The following MYBPC3 variants were observed in gnomAD, a reference collection of about 807,000 sequenced individuals.
The protein encoded by MYBPC3 is myosin-binding protein C, cardiac-type.
In MYBPC3, 108 loss-of-function variants were observed where a neutral mutation model predicts 159.3. That is an observed-to-expected ratio of 0.68 (90% confidence interval 0.58 to 0.80). The LOEUF (loss-of-function observed/expected upper bound fraction) is 0.80, where lower values mean the gene tolerates loss of function less well. MYBPC3 is among the 30% of genes least tolerant of loss of function. The pLI is 0.00. For missense variants in MYBPC3, 1,631 were observed against 1,762.1 expected, an observed-to-expected ratio of 0.93 and a Z score of 1.33; for synonymous variants, 730 against 702.0, an observed-to-expected ratio of 1.04 and a Z score of -0.63.
Position 47,350,045 on chromosome 11 carries a change from C to T in MYBPC3, c.474G>A (p.Val158=). The T allele has an allele frequency of 6.4e-7, 1 of 1,563,858 alleles. No individual in the cohort carries two copies. Among genetic ancestry groups the T allele is most frequent in the African/African-American group, 1.4e-5 (1 of 73,692 alleles). Residue 158 remains valine (V), a synonymous_variant, in exon 4 of 35, where the codon GTG becomes GTA. Coordinates refer to ENST00000545968, the MANE Select transcript of MYBPC3 (RefSeq NM_000256.3). ...GAPDDPIGLF[V]MRPQDGEVTV... ...TCACCTCGCCATCCTGTGGCCGCAT[C>T]ACGAAGAGGCCAATGGGGTCATCGG...
In MYBPC3 at chr11:47,337,462, A is replaced by T. The variant is rs1218588460; in HGVS notation, c.2531T>A (p.Met844Lys). The change falls in exon 25 of 35, where the codon ATG (methionine) becomes AAG (lysine). Residue 844 changes from methionine to lysine, a missense_variant. Physicochemically the swap from Met to Lys is moderately conservative, Grantham distance 95. Transcript: ENST00000545968. The part of the protein sequence containing the change: ...RRMIEGVVYE[M>K]RVYAVNAIGM... Reference sequence around the variant, plus strand: ...GATGGCGTTGACCGCGTAGACGCGCATCTCGTACACCACGCCCTCGATCAT... The same window carrying T: ...GATGGCGTTGACCGCGTAGACGCGCTTCTCGTACACCACGCCCTCGATCAT... 6.2e-7 allele frequency: 1 copy of T among 1,613,630 alleles called. No homozygotes were observed. Among genetic ancestry groups the T allele is most frequent in the African/African-American group, 1.3e-5 (1 of 74,922 alleles).
At position 47,332,637 on chromosome 11, in the gene MYBPC3, G is replaced by C; in HGVS notation, c.3556C>G (p.Pro1186Ala). The C allele has an allele frequency of 6.2e-7, 1 of 1,613,892 alleles. No individual in the cohort carries two copies. The highest frequency in any genetic ancestry group is 8.5e-7 in the Non-Finnish European group (1 of 1,179,868). ...GCGATGACCGAGCGGTTCACCAGGGGCTGGGTGAAGCTTGGGGCCTCGGAG... is the reference window on the plus strand; with the variant it reads ...GCGATGACCGAGCGGTTCACCAGGGCCTGGGTGAAGCTTGGGGCCTCGGAG... ...DFSEAPSFTQ[P>A]LVNRSVIAGY... The change falls in exon 32 of 35, where the codon CCC becomes GCC. Residue 1186 changes from proline (P) to alanine (A), a missense_variant. Transcript: ENST00000545968. The surrounding 1 kb of genome is among the most constrained non-coding windows in gnomAD (Gnocchi z 4.2).
intron 3 of MYBPC3, 95 bp downstream of exon 3, chr11:47,350,406 CT>C (rs2095899458): frequency 1.3e-6 from 2 of 1,516,074 alleles, no homozygotes; most frequent in Non-Finnish European, 8.8e-7. Flanking sequence ...GATTATAGGC[CT>C]GAGCCACCGC....
rs370958401 is a variant in MYBPC3 at position 47,350,535 on chromosome 11, C to T, written c.373G>A (p.Ala125Thr). 5 of 1,555,954 alleles carry T rather than the reference C, an allele frequency of 3.2e-6. No individual in the cohort carries two copies. The South Asian group carries it at 4.8e-5, about 15-fold the overall frequency. Residue 125 changes from alanine to threonine, a missense_variant, in exon 3 of 35, where the codon GCT becomes ACT. Physicochemically the swap from Ala to Thr is moderately conservative, Grantham distance 58. Coordinates refer to ENST00000545968, the MANE Select transcript of MYBPC3 (RefSeq NM_000256.3). Reference protein sequence around the residue: ...GAPGEAPAPAAELGESAPSPK... With the variant: ...GAPGEAPAPATELGESAPSPK... ...CTTGGGGCACTTTCTCCCAGCTCAGCGGCTGGGGCCGGGGCTTCTCCAGGG... is the reference window on the plus strand; with the variant it reads ...CTTGGGGCACTTTCTCCCAGCTCAGTGGCTGGGGCCGGGGCTTCTCCAGGG...
intron 5 of MYBPC3, among the ~76,000 whole-genome samples, chr11:47,349,101 C>G (rs1436382147): frequency 2.6e-5 from 4 of 151,406 alleles, no homozygotes; most frequent in Non-Finnish European, 2.9e-5. Flanking sequence ...CAGCCCCGCA[C>G]AGCAGAACAT....
rs375822600 is a variant in MYBPC3 at position 47,343,408 on chromosome 11, G to C, written c.1223+84C>G. 3 of 1,502,488 alleles carry C rather than the reference G, an allele frequency of 2.0e-6. No individual in the cohort carries two copies. In the Middle Eastern group the frequency reaches 6.0e-4, roughly 302 times the overall value. 93.1% of individuals were successfully genotyped at this position (1,502,488 alleles called of 1,614,324 possible). Reference sequence around the variant, plus strand: ...GGGCTGAGAGCCACACCGAGTCAGAGATACGCATGTGGAGAGGGGCAGGAG... The same window carrying C: ...GGGCTGAGAGCCACACCGAGTCAGACATACGCATGTGGAGAGGGGCAGGAG... On this transcript the variant is annotated intron_variant, in intron 13 of 34. Coordinates refer to ENST00000545968, the MANE Select transcript of MYBPC3 (RefSeq NM_000256.3).
chr11:47,340,306 C>T (rs7928073), intron 20 of MYBPC3, among the ~76,000 whole-genome samples: 39,544 of 152,054 alleles, frequency 0.26, 6,035 homozygotes, highest in East Asian at 0.58. Flanking sequence ...CACACATGCA[C>T]GCACACATGC....
Position 47,332,665 on chromosome 11 carries a change from G to A in MYBPC3, c.3528C>T (p.Asp1176=). 1 of 1,613,382 alleles carries A rather than the reference G, an allele frequency of 6.2e-7. No homozygotes were observed. Among genetic ancestry groups the A allele is most frequent in the Admixed American group, 1.7e-5 (1 of 59,918 alleles). ...GGGTGAAGCTTGGGGCCTCGGAGAA[G>A]TCCAGGGCCTTATAGTTGGGTGGCT... is the stretch of plus-strand genomic sequence containing the variant. ...TYEPPNYKAL[D]FSEAPSFTQP... is the part of the protein sequence containing the mutation. The change falls in exon 32 of 35, where the codon GAC becomes GAT. Residue 1176 remains aspartate, a synonymous_variant. Transcript: ENST00000545968. The surrounding 1 kb of genome is among the most constrained non-coding windows in gnomAD (Gnocchi z 4.2).
At position 47,332,921 on chromosome 11, in the gene MYBPC3, T is replaced by G. The variant is rs765817791; in HGVS notation, c.3383A>C (p.Glu1128Ala). 1.6e-5 allele frequency: 26 copies of G among 1,610,426 alleles called. No homozygotes were observed. Among genetic ancestry groups the G allele is most frequent in the Non-Finnish European group, 2.1e-5 (25 of 1,178,552 alleles). The change falls in exon 31 of 35, where the codon GAG (glutamate) becomes GCG (alanine). Residue 1128 changes from glutamate (E) to alanine (A), a missense_variant. Coordinates refer to ENST00000545968, the MANE Select transcript of MYBPC3 (RefSeq NM_000256.3). This position sits in a 1 kb window ranked among gnomAD's most constrained non-coding sequence, Gnocchi z 4.2. ...GTAGTAGCCATTGCCAATGATGAGC[T>G]CTGGCACCACGCAGTGGGTGCGGCG... ...HYRRTHCVVP[E>A]LIIGNGYYFR... is the part of the protein sequence containing the mutation.
In MYBPC3 at chr11:47,351,467, C is replaced by T. The variant is rs2095900988; in HGVS notation, c.64G>A (p.Ala22Thr). 6.3e-7 allele frequency: 1 copy of T among 1,596,344 alleles called. No individual in the cohort carries two copies. The highest frequency in any genetic ancestry group is 1.3e-5 in the African/African-American group (1 of 74,782). The change falls in exon 2 of 35, where the codon GCC (alanine) becomes ACC (threonine). Residue 22 changes from alanine to threonine, a missense_variant. By Grantham distance (58) the Ala-to-Thr change is moderately conservative. Coordinates refer to ENST00000545968, the MANE Select transcript of MYBPC3 (RefSeq NM_000256.3). This position sits in a 1 kb window ranked among gnomAD's most constrained non-coding sequence, Gnocchi z 4.2. ...TCGAACACGGCAGGGCTGCCTGCGG[C>T]CACTTCCACTGACCGTGGCTTCTTG... is the stretch of plus-strand genomic sequence containing the variant. ...FSKKPRSVEV[A>T]AGSPAVFEAE...
chr11:47,346,597 T>C lies in MYBPC3; in HGVS notation c.926+30A>G. ...GGGCTCCTGGCAGAATTAGGGGTGA[T>C]GAGGGTGCTGTGCTATGTTGGGCAC... is the stretch of plus-strand genomic sequence containing the variant. On this transcript the variant is annotated intron_variant, in intron 11 of 34. Transcript: ENST00000545968. The surrounding 1 kb of genome is among the most constrained non-coding windows in gnomAD (Gnocchi z 5.3). 1.3e-6 allele frequency: 2 copies of C among 1,546,030 alleles called. No individual in the cohort carries two copies. Among genetic ancestry groups the C allele is most frequent in the Non-Finnish European group, 1.7e-6 (2 of 1,144,924 alleles).
At position 47,342,102 on chromosome 11, in the gene MYBPC3, TC is replaced by T. The variant is rs727504366; in HGVS notation, c.1678del (p.Asp560ThrfsTer19). On this transcript the variant is annotated frameshift_variant, in exon 18 of 35. Coordinates refer to ENST00000545968, the MANE Select transcript of MYBPC3 (RefSeq NM_000256.3). LOFTEE classifies it high-confidence loss of function. ...SIADLMVGAK[D>X]QAVFKCEVSD... Reference sequence around the variant, plus strand: ...GACCTCACATTTGAACACCGCCTGGTCCTTTGCGCCCACCATCAGGTCTGCG... The same window carrying T: ...GACCTCACATTTGAACACCGCCTGGTCTTTGCGCCCACCATCAGGTCTGCG... 1 of 1,613,956 alleles carries T rather than the reference TC, an allele frequency of 6.2e-7. No individual in the cohort carries two copies. The highest frequency in any genetic ancestry group is 8.5e-7 in the Non-Finnish European group (1 of 1,179,878).
intron 8 of MYBPC3, 61 bp downstream of exon 8, chr11:47,347,590 C>T: frequency 6.4e-7 from 1 of 1,560,354 alleles, no homozygotes; most frequent in Non-Finnish European, 8.7e-7. Context: ...ATTGGGCTCC[C>T]ACCCGTCTCA....
rs786204329 is a variant in MYBPC3, at chr11:47,348,494, A to AGTGAAGGCAGGCTGGGCATCGGTGAT, written c.676_701dup (p.Gly235SerfsTer74). The AGTGAAGGCAGGCTGGGCATCGGTGAT allele has an allele frequency of 6.2e-7, 1 of 1,613,504 alleles. No individual in the cohort carries two copies. The highest frequency in any genetic ancestry group is 8.5e-7 in the Non-Finnish European group (1 of 1,179,700). On this transcript the variant is annotated frameshift_variant, in exon 6 of 35. Coordinates refer to ENST00000545968, the MANE Select transcript of MYBPC3 (RefSeq NM_000256.3). LOFTEE classifies it high-confidence loss of function. Reference sequence around the variant, plus strand: ...TGGACACCTCACAGCGGTAGCTGCCAGTGAAGGCAGGCTGGGCATCGGTGA... The same window carrying AGTGAAGGCAGGCTGGGCATCGGTGAT: ...TGGACACCTCACAGCGGTAGCTGCCAGTGAAGGCAGGCTGGGCATCGGTGATGTGAAGGCAGGCTGGGCATCGGTGA...
In MYBPC3 at chr11:47,347,491, G is replaced by A. The variant is rs766210070; in HGVS notation, c.852-12C>T. The A allele has an allele frequency of 5.6e-6, 9 of 1,594,528 alleles. No homozygotes were observed. The highest frequency in any genetic ancestry group is 7.7e-6 in the Non-Finnish European group (9 of 1,170,802). ...CCTCATGGCTATCACTATGGAGAGG[G>A]ACCCCCAGTGAGGCTGCAGTGAGGG... is the stretch of plus-strand genomic sequence containing the variant. On this transcript the variant is annotated splice_polypyrimidine_tract_variant and intron_variant, in intron 8 of 34. Coordinates refer to ENST00000545968, the MANE Select transcript of MYBPC3 (RefSeq NM_000256.3).
Position 47,346,740 on chromosome 11 carries a change from C to T in MYBPC3, c.909-96G>A. ...CCTGGACCCCACCCATGGGCCTTTA[C>T]TTCCTCCCTATTTTCCGCACTTGCA... On this transcript the variant is annotated intron_variant, in intron 10 of 34. Coordinates refer to ENST00000545968, the MANE Select transcript of MYBPC3 (RefSeq NM_000256.3). This position sits in a 1 kb window ranked among gnomAD's most constrained non-coding sequence, Gnocchi z 5.3. The T allele has an allele frequency of 7.5e-7, 1 of 1,335,156 alleles. No homozygotes were observed. The highest frequency in any genetic ancestry group is 1.5e-5 in the South Asian group (1 of 68,554). The allele number at this position is 1,335,156 out of a possible 1,614,324, so 82.7% of individuals were successfully genotyped here.
rs751950275 is a variant in MYBPC3, at chr11:47,340,995, A to G, written c.1927+8T>C. 1.9e-6 allele frequency: 3 copies of G among 1,560,528 alleles called. No homozygotes were observed. The Admixed American group carries it at 5.9e-5, about 31-fold the overall frequency. On this transcript the variant is annotated splice_region_variant and intron_variant, in intron 20 of 34. Transcript: ENST00000545968. ...GCAGAACCAAGACTCAGGGGCCCCA[A>G]GACTTACCCTGCCTGGGTACGAAGT...
rs730880572 is a variant in MYBPC3, at chr11:47,337,431, C to T, written c.2562G>A (p.Met854Ile). The change falls in exon 25 of 35, where the codon ATG (methionine) becomes ATA (isoleucine). Residue 854 changes from methionine to isoleucine, a missense_variant. Transcript: ENST00000545968. ...GCTGGGAGGCAGGGCTGGGCCTGGACATGCCGATGGCGTTGACCGCGTAGA... is the reference window on the plus strand; with the variant it reads ...GCTGGGAGGCAGGGCTGGGCCTGGATATGCCGATGGCGTTGACCGCGTAGA... ...MRVYAVNAIG[M>I]SRPSPASQPF... 1.6e-5 allele frequency: 26 copies of T among 1,609,380 alleles called. No individual in the cohort carries two copies. The highest frequency in any genetic ancestry group is 3.3e-4 in the Middle Eastern group (2 of 6,062).
At chr11:47,343,219 C>A in intron 14 of MYBPC3, 41 bp downstream of exon 14, 3 of 1,576,530 alleles carry the variant, frequency 1.9e-6, no homozygotes, top group Non-Finnish European at 2.6e-6. Context: ...CCATGATAAT[C>A]CCTGTGCCCC....
Sources: allele counts gnomAD v4.1 joint callset (sites outside exome capture counted in the v4.1 genomes callset), GRCh38; gene constraint gnomAD v4.1.1; non-coding constraint Gnocchi (gnomAD v3.1); transcripts MANE v1.5; gene names NCBI Gene and HGNC (gene_info 2026-07-23, HGNC 2026-07-21).